CLIP2: variants seen among roughly 807,000 people sequenced by gnomAD.
CLIP2 encodes the protein CAP-Gly domain containing linker protein 2.
Under a neutral mutation model 111.7 loss-of-function variants are expected in CLIP2, and 41 were observed. The ratio of observed to expected loss-of-function variants is 0.37; its 90% CI spans 0.29 to 0.48. The LOEUF (loss-of-function observed/expected upper bound fraction) is 0.48, where lower values mean the gene tolerates loss of function less well. Among genes scored for constraint, CLIP2 ranks in the 20% least tolerant of loss-of-function variants. The pLI is 0.99. For missense variants in CLIP2, 1,160 were observed against 1,422.1 expected, an observed-to-expected ratio of 0.82 and a Z score of 2.96; for synonymous variants, 660 against 644.2, an observed-to-expected ratio of 1.02 and a Z score of -0.37.
intron 2 of CLIP2, among the ~76,000 whole-genome samples, chr7:74,321,530 T>C (rs185713289): frequency 2.0e-5 from 3 of 152,030 alleles, no homozygotes; most frequent in Middle Eastern, 3.4e-3. Flanking sequence ...AGTGCAGTGG[T>C]GCGATCTCGG....
At chr7:74,391,759 G>A (rs1352500029) in intron 13 of CLIP2, among the ~76,000 whole-genome samples, 1 of 152,016 alleles carries the variant, frequency 6.6e-6, no homozygotes, top group Non-Finnish European at 1.5e-5. Context: ...GGCAGAGGTT[G>A]CAGTGAGTCG....
intron 1 of CLIP2, among the ~76,000 whole-genome samples, chr7:74,302,585 A>G (rs1487293404): frequency 6.6e-6 from 1 of 152,080 alleles, no homozygotes; most frequent in Non-Finnish European, 1.5e-5. Context: ...TCTAGACTCA[A>G]CCCTTGCTTG....
At chr7:74,339,512 A>G (rs1789594265) in intron 3 of CLIP2, among the ~76,000 whole-genome samples, 1 of 151,716 alleles carries the variant, frequency 6.6e-6, no homozygotes, top group African/African-American at 2.4e-5. Context: ...CACCATGTTG[A>G]CCAGACTGGT....
intron 16 of CLIP2, among the ~76,000 whole-genome samples, chr7:74,401,971 AT>A (rs200944131): frequency 9.1e-4 from 138 of 151,798 alleles, no homozygotes; most frequent in Admixed American, 2.4e-3. Flanking sequence ...AAAAAAAAAA[AT>A]TTTAAAAAGG....
At chr7:74,390,754 G>T (rs1375881300) in intron 13 of CLIP2, among the ~76,000 whole-genome samples, 1 of 139,728 alleles carries the variant, frequency 7.2e-6, no homozygotes, top group South Asian at 2.5e-4. Flanking sequence ...GGGGTGGGGG[G>T]GGTGGGTGGG....
At chr7:74,317,246 A>G (rs886567940) in intron 1 of CLIP2, among the ~76,000 whole-genome samples, 19 of 152,150 alleles carry the variant, frequency 1.2e-4, no homozygotes, top group Admixed American at 6.6e-5. Flanking sequence ...GGGTAAGGCA[A>G]TAGCCTCTCT....
At chr7:74,293,210 G>A (rs1312981299) in intron 1 of CLIP2, among the ~76,000 whole-genome samples, 1 of 152,182 alleles carries the variant, frequency 6.6e-6, no homozygotes, top group African/African-American at 2.4e-5. Flanking sequence ...TAAGTGAAAA[G>A]GGACTTAAGA....
At chr7:74,377,018 G>C (rs920900810) in intron 10 of CLIP2, among the ~76,000 whole-genome samples, 196 bp downstream of exon 10, 6 of 152,102 alleles carry the variant, frequency 3.9e-5, no homozygotes, top group Non-Finnish European at 7.4e-5. Context: ...GTGCGCCCTG[G>C]TGACCAGGGA....
intron 8 of CLIP2, among the ~76,000 whole-genome samples, chr7:74,368,095 C>T (rs1554311144): frequency 6.6e-6 from 1 of 152,056 alleles, no homozygotes. Context: ...TGCCTATGGT[C>T]CCAGCTACGC....
In CLIP2 at chr7:74,386,540, C is replaced by T; in HGVS notation, c.2499C>T (p.Asn833=). Residue 833 remains asparagine, a synonymous_variant, in exon 12 of 17, where the codon AAC becomes AAT. Transcript: ENST00000223398. ...ETVEGLQDKL[N]KRDKEVTALT... ...CCCTAGGCCTGCAGGACAAGCTGAA[C>T]AAGAGGGACAAAGAGGTGACAGCCT... is the stretch of plus-strand genomic sequence containing the variant. The T allele has an allele frequency of 1.2e-6, 2 of 1,611,542 alleles. No individual in the cohort carries two copies. Among genetic ancestry groups the T allele is most frequent in the South Asian group, 1.1e-5 (1 of 90,694 alleles).
chr7:74,350,847 C>G (rs927552488), intron 3 of CLIP2, among the ~76,000 whole-genome samples: 2 of 143,134 alleles, frequency 1.4e-5, no homozygotes, highest in African/African-American at 5.2e-5. Context: ...GTATGGGTGA[C>G]AAAGTGAGAG....
At position 74,338,461 on chromosome 7, in the gene CLIP2, C is replaced by T. The variant is rs374630497; in HGVS notation, c.135C>T (p.His45=). The change falls in exon 3 of 17, where the codon CAC becomes CAT. Residue 45 remains histidine (H), a synonymous_variant. Transcript: ENST00000223398. This position sits in a 1 kb window ranked among gnomAD's most constrained non-coding sequence, Gnocchi z 4.3. Reference sequence around the variant, plus strand: ...CCTTCTCTGCAGGCTCCCCACTGCACAAACAGTCATCTGGACCCTCCTCCT... The same window carrying T: ...CCTTCTCTGCAGGCTCCCCACTGCATAAACAGTCATCTGGACCCTCCTCCT... The part of the protein sequence containing the change: ...AASSKEGSPL[H]KQSSGPSSSP... 6.2e-7 allele frequency: 1 copy of T among 1,612,986 alleles called. No individual in the cohort carries two copies. Among genetic ancestry groups the T allele is most frequent in the African/African-American group, 1.3e-5 (1 of 75,042 alleles).
intron 13 of CLIP2, among the ~76,000 whole-genome samples, chr7:74,390,162 G>GAAGA (rs200256078): frequency 0.069 from 5,826 of 84,574 alleles, 235 homozygotes; most frequent in African/African-American, 0.081. Flanking sequence ...AAGAAAGAAA[G>GAAGA]AAGAAAGAAA....
At chr7:74,325,044 G>A (rs1366687753) in intron 2 of CLIP2, among the ~76,000 whole-genome samples, 1 of 152,174 alleles carries the variant, frequency 6.6e-6, no homozygotes, top group Non-Finnish European at 1.5e-5. Flanking sequence ...GCAGTGGTTT[G>A]TGGGGAGGGG....
At chr7:74,360,344 C>A in intron 7 of CLIP2, 66 bp downstream of exon 7, 1 of 1,270,076 alleles carries the variant, frequency 7.9e-7, no homozygotes, top group Non-Finnish European at 1.1e-6. Flanking sequence ...AGAGGGCAGG[C>A]TTGGGAATAG....
At chr7:74,372,806 C>T (rs1790666697) in intron 8 of CLIP2, 126 bp from the exon 9 acceptor site, 1 of 668,578 alleles carries the variant, frequency 1.5e-6, no homozygotes, top group Non-Finnish European at 2.6e-6. Flanking sequence ...TCGCCTTGTT[C>T]ACGGAAGATG....
chr7:74,329,822 C>T lies in CLIP2; in HGVS notation c.122-8626C>T, dbSNP rs1487485736. 2.0e-5 allele frequency among the ~76,000 whole-genome samples: 3 copies of T among 152,042 alleles called. No homozygotes were observed. In the East Asian group the frequency reaches 5.8e-4, roughly 29 times the overall value. ...TGAGACAGAGTCTTGCTCTGTGGCC[C>T]AGGCTGGAGTGCAATGGCACGATCT... On this transcript the variant is annotated intron_variant, in intron 2 of 16. Coordinates refer to ENST00000223398, the MANE Select transcript of CLIP2 (RefSeq NM_003388.5).
intron 12 of CLIP2, among the ~76,000 whole-genome samples, chr7:74,388,124 G>A (rs577544858): frequency 8.5e-5 from 13 of 152,226 alleles, no homozygotes; most frequent in African/African-American, 3.1e-4. Context: ...GAGGTCAGGA[G>A]TTTCAGACCA....
intron 1 of CLIP2, among the ~76,000 whole-genome samples, chr7:74,314,650 A>G (rs1788721842): frequency 6.6e-6 from 1 of 152,112 alleles, no homozygotes; most frequent in Admixed American, 6.6e-5. Context: ...CCTCCATCCG[A>G]CTATGGTGCT....
Sources: gnomAD v4.1 joint callset for allele counts (sites outside exome capture counted in the v4.1 genomes callset) on GRCh38, gnomAD v4.1.1 for gene constraint, Gnocchi (gnomAD v3.1) non-coding constraint, MANE v1.5 for transcripts, NCBI Gene and HGNC (gene_info 2026-07-23, HGNC 2026-07-21) for gene names.